The following KLHL29 variants were observed in gnomAD, a reference collection of about 807,000 sequenced individuals.
KLHL29 encodes the protein kelch-like protein 29.
KLHL29 carries 21 observed loss-of-function variants against 80.4 expected under a neutral mutation model. That is an observed-to-expected ratio of 0.26 (90% CI 0.19 to 0.38). KLHL29 has a LOEUF of 0.38. KLHL29 is among the 10% of genes least tolerant of loss of function. The probability of loss-of-function intolerance (pLI) is 1.00; values close to 1 mark genes in which losing one functional copy is unlikely to be tolerated. For missense variants in KLHL29, 867 were observed against 1,223.9 expected, an observed-to-expected ratio of 0.71 and a Z score of 4.35; for synonymous variants, 511 against 526.8, an observed-to-expected ratio of 0.97 and a Z score of 0.41.
chr2:23,639,816 A>G (rs1287029051), intron 4 of KLHL29, among the ~76,000 whole-genome samples: 1 of 152,056 alleles, frequency 6.6e-6, no homozygotes, highest in East Asian at 1.9e-4. Flanking sequence ...GGCCCTCCAC[A>G]CAACAGCCCT....
At chr2:23,599,636 C>T (rs562492468) in intron 3 of KLHL29, among the ~76,000 whole-genome samples, 51 of 152,096 alleles carry the variant, frequency 3.4e-4, no homozygotes, top group African/African-American at 1.1e-3. Context: ...AGACAAAACA[C>T]ATATGCATAT....
At position 23,503,740 on chromosome 2, in the gene KLHL29, G is replaced by A. The variant is rs1226529321; in HGVS notation, c.-46+28073G>A. ...CAAGTGAGTTCTGTGACCCTGACCGGCAGCAGCTGCCAGCGAAGGAGGAAG... is the reference window on the plus strand; with the variant it reads ...CAAGTGAGTTCTGTGACCCTGACCGACAGCAGCTGCCAGCGAAGGAGGAAG... On this transcript the variant is annotated intron_variant, in intron 2 of 13. Coordinates refer to ENST00000486442, the MANE Select transcript of KLHL29 (RefSeq NM_052920.2). The surrounding 1 kb of genome is among the most constrained non-coding windows in gnomAD (Gnocchi z 4.0). Among the ~76,000 whole-genome samples the A allele has an allele frequency of 2.6e-5, 4 of 152,218 alleles. No homozygotes were observed. Among genetic ancestry groups the A allele is most frequent in the Non-Finnish European group, 4.4e-5 (3 of 68,046 alleles).
At position 23,525,732 on chromosome 2, in the gene KLHL29, CCCCCCCA is replaced by C. The variant is rs77211503; in HGVS notation, c.-45-36416_-45-36410del. Among the ~76,000 whole-genome samples, 640 of 66,662 alleles carry C rather than the reference CCCCCCCA, an allele frequency of 9.6e-3. 15 individuals are homozygous for C. The highest frequency in any genetic ancestry group is 0.033 in the African/African-American group (552 of 16,556). 43.7% of individuals were successfully genotyped at this position (66,662 alleles called of 152,430 possible). A position where few individuals can be genotyped will look rare whatever the true frequency, so the allele number is the denominator to read the frequency against. The stretch of plus-strand genomic sequence containing the variant: ...CGAGTGAGCCCCAGCCCCTGCCCCC[CCCCCCCA>C]CCCGAGGCGAGCCAGCAGAGCCAGG... On this transcript the variant is annotated intron_variant, in intron 2 of 13. Transcript: ENST00000486442.
rs534063289 is a variant in KLHL29 at position 23,519,335 on chromosome 2, C to A, written c.-45-42817C>A. Among the ~76,000 whole-genome samples the A allele has an allele frequency of 5.9e-5, 9 of 152,194 alleles. No homozygotes were observed. The South Asian group carries it at 1.0e-3, about 18-fold the overall frequency. On this transcript the variant is annotated intron_variant, in intron 2 of 13. Coordinates refer to ENST00000486442, the MANE Select transcript of KLHL29 (RefSeq NM_052920.2). ...CCAGGTCCCCCGTCCTCCCCTCCCC[C>A]CCAGGCTCCCTCCCACCCAGGCATT...
chr2:23,691,576 A>G, intron 6 of KLHL29, 98 bp from the exon 7 acceptor site: 1 of 1,006,296 alleles, frequency 9.9e-7, no homozygotes, highest in Non-Finnish European at 1.5e-6. Context: ...CCTAAAACCA[A>G]GGGCATGACC....
chr2:23,564,389 GA>G (rs1429312552), intron 3 of KLHL29, among the ~76,000 whole-genome samples: 1 of 152,212 alleles, frequency 6.6e-6, no homozygotes, highest in Non-Finnish European at 1.5e-5. Context: ...AGGAGGGGGA[GA>G]GGGGGCGAAA....
At chr2:23,580,005 G>A (rs1667939746) in intron 3 of KLHL29, among the ~76,000 whole-genome samples, 1 of 152,218 alleles carries the variant, frequency 6.6e-6, no homozygotes, top group African/African-American at 2.4e-5. Context: ...CTTAACCATT[G>A]TGTGGCCTCT....
chr2:23,556,839 G>A (rs1667310763), intron 2 of KLHL29, among the ~76,000 whole-genome samples: 1 of 152,174 alleles, frequency 6.6e-6, no homozygotes, highest in South Asian at 2.1e-4. Context: ...ACCTCAGCGT[G>A]GCCTATTTCC....
chr2:23,706,606 C>T lies in KLHL29; in HGVS notation c.2570C>T (p.Pro857Leu), dbSNP rs1355902903. Residue 857 changes from proline (P) to leucine (L), a missense_variant, in exon 14 of 14, where the codon CCC becomes CTC. Pro to Leu is a moderately conservative substitution (Grantham distance 98, BLOSUM62 -3). Around this residue, in one of 2 missense-constraint regions of KLHL29, gnomAD observed 443 missense variants for 767.0 expected, o/e 0.58. Transcript: ENST00000486442. ...ACATGGACCCTCCTCCCCCACATGCCCTGCCCTGTGTTCAGACACGGCTGC... is the reference window on the plus strand; with the variant it reads ...ACATGGACCCTCCTCCCCCACATGCTCTGCCCTGTGTTCAGACACGGCTGC... ...TNTWTLLPHM[P>L]CPVFRHGCVV... 6.5e-7 allele frequency: 1 copy of T among 1,537,110 alleles called. No individual in the cohort carries two copies. Among genetic ancestry groups the T allele is most frequent in the Non-Finnish European group, 8.7e-7 (1 of 1,146,770 alleles).
rs566853282 is a variant in KLHL29, at chr2:23,680,039, C to T, written c.941-4360C>T. On this transcript the variant is annotated intron_variant, in intron 5 of 13. Coordinates refer to ENST00000486442, the MANE Select transcript of KLHL29 (RefSeq NM_052920.2). This position sits in a 1 kb window ranked among gnomAD's most constrained non-coding sequence, Gnocchi z 4.1. ...CAGAGGGCTGTGCTGCCCCTTCAGC[C>T]CCGAAGGATTTGTGTGGCCAGTGGC... is the stretch of plus-strand genomic sequence containing the variant. 6.6e-6 allele frequency among the ~76,000 whole-genome samples: 1 copy of T among 152,090 alleles called. No homozygotes were observed.
intron 2 of KLHL29, among the ~76,000 whole-genome samples, chr2:23,515,191 T>TATTCAACAGGA (rs1665885670): frequency 6.6e-6 from 1 of 151,824 alleles, no homozygotes; most frequent in Non-Finnish European, 1.5e-5. Flanking sequence ...CAAGGGAGGG[T>TATTCAACAGGA]CCTTATTCAA....
At chr2:23,512,050 G>A (rs574299464) in intron 2 of KLHL29, among the ~76,000 whole-genome samples, 4 of 152,310 alleles carry the variant, frequency 2.6e-5, no homozygotes, top group South Asian at 4.1e-4. Context: ...GACGGAACCC[G>A]CAGTGGATGC....
intron 3 of KLHL29, among the ~76,000 whole-genome samples, chr2:23,598,080 C>T (rs1005688403): frequency 2.0e-5 from 3 of 152,150 alleles, no homozygotes; most frequent in South Asian, 2.1e-4. Flanking sequence ...GGTTTGGAAA[C>T]GGTGTCCTGG....
intron 3 of KLHL29, among the ~76,000 whole-genome samples, chr2:23,605,773 GTT>G (rs34164678): frequency 2.4e-4 from 35 of 142,884 alleles, no homozygotes; most frequent in South Asian, 1.1e-3. Context: ...TGGGAAAACC[GTT>G]TTTTTTTTTT....
At chr2:23,591,861 T>C (rs956084725) in intron 3 of KLHL29, among the ~76,000 whole-genome samples, 8 of 152,292 alleles carry the variant, frequency 5.3e-5, no homozygotes, top group Admixed American at 1.3e-4. Context: ...GTGCACATTC[T>C]CATGCTGCTC....
At chr2:23,547,566 A>G (rs1460474318) in intron 2 of KLHL29, among the ~76,000 whole-genome samples, 1 of 152,082 alleles carries the variant, frequency 6.6e-6, no homozygotes, top group Non-Finnish European at 1.5e-5. Context: ...GTGCCCAGAA[A>G]GTGTTCGCTT....
At chr2:23,546,797 G>A (rs760572322) in intron 2 of KLHL29, among the ~76,000 whole-genome samples, 2 of 152,226 alleles carry the variant, frequency 1.3e-5, no homozygotes, top group African/African-American at 2.4e-5. Context: ...GGCTGTGCCT[G>A]AATCTTACCA....
intron 1 of KLHL29, among the ~76,000 whole-genome samples, chr2:23,417,927 G>A (rs1483911523): frequency 2.0e-5 from 3 of 152,116 alleles, no homozygotes; most frequent in Admixed American, 1.3e-4. Context: ...TTGGTGCCCT[G>A]TAGCATAACA....
chr2:23,424,886 A>G (rs1253287240), intron 1 of KLHL29, among the ~76,000 whole-genome samples: 1 of 152,250 alleles, frequency 6.6e-6, no homozygotes, highest in East Asian at 1.9e-4. Flanking sequence ...ACGAATTCTA[A>G]CGATCGGGTC....
Sources: allele counts gnomAD v4.1 joint callset (sites outside exome capture counted in the v4.1 genomes callset), GRCh38; gene constraint gnomAD v4.1.1; regional missense constraint gnomAD v4.1.1; non-coding constraint Gnocchi (gnomAD v3.1); transcripts MANE v1.5; gene names NCBI Gene and HGNC (gene_info 2026-07-23, HGNC 2026-07-21).